EME2: variants seen among roughly 807,000 people sequenced by gnomAD.
EME2 encodes the protein essential meiotic structure-specific endonuclease subunit 2, also known as structure-specific endonuclease subunit EME2.
Under a neutral mutation model 41.9 loss-of-function variants are expected in EME2, and 58 were observed. The ratio of observed to expected loss-of-function variants is 1.38; its 90% CI spans 1.12 to 1.72. The LOEUF is 1.72. Among genes scored for constraint, EME2 ranks in the 40% most tolerant of loss-of-function variants. The pLI, the probability that EME2 is intolerant of heterozygous loss-of-function variation, is 0.00. For synonymous variants in EME2, 334 were observed against 239.3 expected (o/e 1.40, Z -3.65); for missense variants, 695 against 541.9 (o/e 1.28, Z -2.81).
chr16:1,774,797 G>C lies in EME2; in HGVS notation c.478-244G>C, dbSNP rs551312467. 34 of 584,202 alleles carry C rather than the reference G, an allele frequency of 5.8e-5. No individual in the cohort carries two copies. The East Asian group carries it at 8.3e-4, about 14-fold the overall frequency. 36.2% of individuals were successfully genotyped at this position (584,202 alleles called of 1,614,324 possible). On this transcript the variant is annotated intron_variant, in intron 3 of 7. Transcript: ENST00000568449. ...TAGGCTGGAGTACAGAGGTGGACCA[G>C]GATGAGGGGCTCAATGGAACTGACA...
rs776232995 is a variant in EME2 at position 1,776,001 on chromosome 16, C to T, written c.969+15C>T. On this transcript the variant is annotated intron_variant, in intron 7 of 7. Transcript: ENST00000568449. ...TTCTGCAGCAGGTGGGCCCCTGCCT[C>T]CTCCAAGCCCTCCAGGTGCAGAAGC... is the stretch of plus-strand genomic sequence containing the variant. 1.2e-5 allele frequency: 20 copies of T among 1,606,874 alleles called. No homozygotes were observed. In the Admixed American group the frequency reaches 3.2e-4, roughly 25 times the overall value.
chr16:1,775,315 G>A lies in EME2; in HGVS notation c.570G>A (p.Trp190Ter), dbSNP rs1178682727. 2 of 1,609,762 alleles carry A rather than the reference G, an allele frequency of 1.2e-6. No individual in the cohort carries two copies. Among genetic ancestry groups the A allele is most frequent in the South Asian group, 2.2e-5 (2 of 91,086 alleles). The change falls in exon 5 of 8, where the codon TGG becomes TGA. Residue 190 changes from tryptophan to a stop codon, truncating the protein, a stop_gained and splice_region_variant. Transcript: ENST00000568449. LOFTEE classifies it high-confidence loss of function. ...LAVIGLDAYLWSRQHVSRGTQ... is the reference protein window; with the variant it reads ...LAVIGLDAYL ...GGGAGGAATGGTCACCTCTGCTCAG[G>A]TCTCGCCAGCACGTTTCCCGGGGGA...
chr16:1,773,158 C>CG lies in EME2; in HGVS notation c.-68dup. The CG allele has an allele frequency of 7.1e-7, 1 of 1,403,062 alleles. No homozygotes were observed. The allele number at this position is 1,403,062 out of a possible 1,614,324, so 86.9% of individuals were successfully genotyped here. On this transcript the variant is annotated 5_prime_UTR_variant, in exon 1 of 8. It removes the in-frame stop codon of an upstream open reading frame in the 5' UTR. Coordinates refer to ENST00000568449, the MANE Select transcript of EME2 (RefSeq NM_001257370.2). The stretch of plus-strand genomic sequence containing the variant: ...CCTCAGCGGTCCGGCCGGAAGTCAC[C>CG]GGAAGAGGCCGGTGTCCCAGGCTAA...
Position 1,774,348 on chromosome 16 carries a change from C to G in EME2, c.473C>G (p.Thr158Ser). ...EEFLQGVATL[T>S]QISGPTHWVP... ...TTTCTGCAGGGCGTCGCCACACTGACCCAGGTGCTCGGGTGGTGGCAGTAG... is the reference window on the plus strand; with the variant it reads ...TTTCTGCAGGGCGTCGCCACACTGAGCCAGGTGCTCGGGTGGTGGCAGTAG... The change falls in exon 3 of 8, where the codon ACC (threonine) becomes AGC (serine). Residue 158 changes from threonine (T) to serine (S), a missense_variant. Thr to Ser is a moderately conservative substitution (Grantham distance 58, BLOSUM62 1). Transcript: ENST00000568449. 6.2e-7 allele frequency: 1 copy of G among 1,612,504 alleles called. No homozygotes were observed. The highest frequency in any genetic ancestry group is 8.5e-7 in the Non-Finnish European group (1 of 1,179,710).
Position 1,773,129 on chromosome 16 carries a change from G to T in EME2, c.-99G>T. On this transcript the variant is annotated 5_prime_UTR_variant, in exon 1 of 8. Coordinates refer to ENST00000568449, the MANE Select transcript of EME2 (RefSeq NM_001257370.2). ...CCTTCTTCCGCGCCATGGCGGGTCC[G>T]CGTCCTCAGCGGTCCGGCCGGAAGT... 7.2e-7 allele frequency: 1 copy of T among 1,389,670 alleles called. No homozygotes were observed. Among genetic ancestry groups the T allele is most frequent in the Non-Finnish European group, 9.3e-7 (1 of 1,077,410 alleles). 86.1% of individuals were successfully genotyped at this position (1,389,670 alleles called of 1,614,324 possible). A position where few individuals can be genotyped will look rare whatever the true frequency, so the allele number is the denominator to read the frequency against.
Position 1,773,165 on chromosome 16 carries a change from G to C in EME2, c.-63G>C. 9.2e-6 allele frequency: 13 copies of C among 1,410,950 alleles called. 1 individual carries two copies. The highest frequency in any genetic ancestry group is 1.2e-5 in the Non-Finnish European group (13 of 1,089,890). The allele number at this position is 1,410,950 out of a possible 1,614,324, so 87.4% of individuals were successfully genotyped here. On this transcript the variant is annotated 5_prime_UTR_variant, in exon 1 of 8. Transcript: ENST00000568449. ...GGTCCGGCCGGAAGTCACCGGAAGA[G>C]GCCGGTGTCCCAGGCTAAAGTGTTC...
Position 1,777,775 on chromosome 16 carries a change from G to T in EME2, c.*1537G>T. 6.2e-7 allele frequency: 1 copy of T among 1,612,800 alleles called. No individual in the cohort carries two copies. On this transcript the variant is annotated 3_prime_UTR_variant, in exon 8 of 8. Transcript: ENST00000568449. ...TACACTTCCTGTTCTTGAAAAAGGTGAGTGTGCCGTGCCAGGTGTCCAGGT... is the reference window on the plus strand; with the variant it reads ...TACACTTCCTGTTCTTGAAAAAGGTTAGTGTGCCGTGCCAGGTGTCCAGGT...
chr16:1,781,529 A>G lies in EME2; in HGVS notation c.*5291A>G. ...AAACACAGGCTCTGGGCAAAGGAAG[A>G]CTCACAGCACTCCCAGCCCTGAGCT... On this transcript the variant is annotated 3_prime_UTR_variant, in exon 8 of 8. Transcript: ENST00000568449. The G allele has an allele frequency of 4.4e-6, 7 of 1,595,396 alleles. No homozygotes were observed. Among genetic ancestry groups the G allele is most frequent in the Non-Finnish European group, 5.1e-6 (6 of 1,170,252 alleles).
chr16:1,781,311 C>T lies in EME2; in HGVS notation c.*5073C>T. 1.9e-6 allele frequency: 3 copies of T among 1,612,794 alleles called. No homozygotes were observed. The highest frequency in any genetic ancestry group is 2.5e-6 in the Non-Finnish European group (3 of 1,179,986). ...ATGTCTGCCTGCCTGCCTAGGGCAT[C>T]TCCACACCTTAGGCCAGCCACGTCC... On this transcript the variant is annotated 3_prime_UTR_variant, in exon 8 of 8. Transcript: ENST00000568449.
Position 1,772,869 on chromosome 16 carries a change from G to T in EME2, c.-359G>T. On this transcript the variant is annotated 5_prime_UTR_variant, in exon 1 of 8. Transcript: ENST00000568449. ...CGGCTCGTCGTGCTGCCACAGCCAG[G>T]ACTTGCGCGTGACCAGGCGGCCCAG... 6.9e-7 allele frequency: 1 copy of T among 1,453,504 alleles called. No individual in the cohort carries two copies. The highest frequency in any genetic ancestry group is 9.0e-7 in the Non-Finnish European group (1 of 1,110,266). 90.0% of individuals were successfully genotyped at this position (1,453,504 alleles called of 1,614,324 possible). A position where few individuals can be genotyped will look rare whatever the true frequency, so the allele number is the denominator to read the frequency against.
chr16:1,776,676 C>T lies in EME2; in HGVS notation c.*438C>T, dbSNP rs758261176. 3.5e-5 allele frequency: 10 copies of T among 283,088 alleles called. No individual in the cohort carries two copies. Among genetic ancestry groups the T allele is most frequent in the South Asian group, 6.2e-5 (1 of 16,036 alleles). The allele number at this position is 283,088 out of a possible 1,614,324, so 17.5% of individuals were successfully genotyped here. A position where few individuals can be genotyped will look rare whatever the true frequency, so the allele number is the denominator to read the frequency against. ...AGAAGGCCCAGGCTGCTCGCAAGCC[C>T]GGCCTCTGCACGGATACGTTTCAGC... On this transcript the variant is annotated 3_prime_UTR_variant, in exon 8 of 8. Coordinates refer to ENST00000568449, the MANE Select transcript of EME2 (RefSeq NM_001257370.2).
At position 1,776,244 on chromosome 16, in the gene EME2, C is replaced by A. The variant is rs746546478; in HGVS notation, c.*6C>A. The A allele has an allele frequency of 4.3e-6, 7 of 1,611,970 alleles. No homozygotes were observed. The highest frequency in any genetic ancestry group is 3.3e-5 in the Admixed American group (2 of 59,954). On this transcript the variant is annotated 3_prime_UTR_variant, in exon 8 of 8. Coordinates refer to ENST00000568449, the MANE Select transcript of EME2 (RefSeq NM_001257370.2). ...TGCTGGACCTGGGCTCCTGACCACA[C>A]GTGGGACCACCAGGACAGCATGCAG...
In EME2 at chr16:1,776,370, C is replaced by T. The variant is rs1322464327; in HGVS notation, c.*132C>T. The stretch of plus-strand genomic sequence containing the variant: ...TTCTCTGGCTGAGCAGGTCTGACCT[C>T]AGGGGAAGGGTGGGTGGTTGCAGGG... On this transcript the variant is annotated 3_prime_UTR_variant, in exon 8 of 8. Coordinates refer to ENST00000568449, the MANE Select transcript of EME2 (RefSeq NM_001257370.2). 2 of 807,784 alleles carry T rather than the reference C, an allele frequency of 2.5e-6. No homozygotes were observed. The highest frequency in any genetic ancestry group is 1.7e-5 in the African/African-American group (1 of 58,144). The allele number at this position is 807,784 out of a possible 1,614,324, so 50.0% of individuals were successfully genotyped here.
chr16:1,775,965 C>T lies in EME2; in HGVS notation c.948C>T (p.Pro316=), dbSNP rs138348894. ...AVADAVVTAF[P]SPRLLQQALE... ...CTGATGCAGTTGTCACAGCCTTCCC[C>T]TCCCCCCGCCTTCTGCAGCAGGTGG... Residue 316 remains proline, a synonymous_variant, in exon 7 of 8, where the codon CCC becomes CCT. Transcript: ENST00000568449. 1.3e-5 allele frequency: 21 copies of T among 1,609,190 alleles called. No individual in the cohort carries two copies. In the Middle Eastern group the frequency reaches 4.9e-4, roughly 38 times the overall value.
intron 2 of EME2, 108 bp from the exon 3 acceptor site, chr16:1,774,152 C>T: frequency 1.0e-6 from 1 of 998,086 alleles, no homozygotes; most frequent in South Asian, 1.4e-5. Context: ...CTGTCAGGGC[C>T]TGGGCTTGGC....
chr16:1,775,689 G>A lies in EME2; in HGVS notation c.779+5G>A, dbSNP rs751696752. The A allele has an allele frequency of 1.2e-5, 19 of 1,612,820 alleles. No homozygotes were observed. Among genetic ancestry groups the A allele is most frequent in the African/African-American group, 2.7e-5 (2 of 74,944 alleles). On this transcript the variant is annotated splice_donor_5th_base_variant and intron_variant, in intron 6 of 7. Coordinates refer to ENST00000568449, the MANE Select transcript of EME2 (RefSeq NM_001257370.2). Reference sequence around the variant, plus strand: ...TCTCGCCCAGTATCCCCTCAAGTGCGTGATGCCAAGGCTGAAGGGGGGCAG... The same window carrying A: ...TCTCGCCCAGTATCCCCTCAAGTGCATGATGCCAAGGCTGAAGGGGGGCAG...
chr16:1,777,275 T>A lies in EME2; in HGVS notation c.*1037T>A, dbSNP rs1433720324. 1 of 1,610,484 alleles carries A rather than the reference T, an allele frequency of 6.2e-7. No individual in the cohort carries two copies. Among genetic ancestry groups the A allele is most frequent in the African/African-American group, 1.3e-5 (1 of 75,054 alleles). On this transcript the variant is annotated 3_prime_UTR_variant, in exon 8 of 8. Coordinates refer to ENST00000568449, the MANE Select transcript of EME2 (RefSeq NM_001257370.2). ...GAGGCCCGGCGGCAGCGGCAGACCC[T>A]CCAGCGTGTCTCCCGAGTCTGGCCG...
In EME2 at chr16:1,773,378, C is replaced by T. The variant is rs2042657867; in HGVS notation, c.151C>T (p.Arg51Trp). 1.2e-5 allele frequency: 19 copies of T among 1,549,050 alleles called. No individual in the cohort carries two copies. Among genetic ancestry groups the T allele is most frequent in the Non-Finnish European group, 1.6e-5 (18 of 1,157,550 alleles). ...CGGCTCGGAGGCCGCCGCGAGAGCC[C>T]GGGACCCAGCGGGTGAGCGCAGGGC... ...SAGSEAAARA[R>W]DPAGERRAAA... The change falls in exon 1 of 8, where the codon CGG (arginine) becomes TGG (tryptophan). Residue 51 changes from arginine to tryptophan, a missense_variant. Arg to Trp is a moderately radical substitution (Grantham distance 101). Coordinates refer to ENST00000568449, the MANE Select transcript of EME2 (RefSeq NM_001257370.2).
Position 1,775,382 on chromosome 16 carries a change from G to C in EME2, c.637G>C (p.Ala213Pro), listed in dbSNP as rs143254614. The C allele has an allele frequency of 2.7e-4, 434 of 1,612,398 alleles. No individual in the cohort carries two copies. The highest frequency in any genetic ancestry group is 1.2e-4 in the Non-Finnish European group (145 of 1,179,954). Residue 213 changes from alanine (A) to proline (P), a missense_variant, in exon 5 of 8, where the codon GCC (alanine) becomes CCC (proline). Ala to Pro is a conservative substitution (Grantham distance 27). Transcript: ENST00000568449. ...ESPKVAGAEV[A>P]VSWPEVEEAL... ...CCCGAAGGTGGCCGGTGCCGAGGTG[G>C]CCGTCAGCTGGCCGGAGGTGGAAGA...
Sources: allele counts gnomAD v4.1 joint callset, GRCh38; gene constraint gnomAD v4.1.1; transcripts MANE v1.5; gene names NCBI Gene and HGNC (gene_info 2026-07-23, HGNC 2026-07-21).